The following FOSL2 variants were observed in gnomAD, a reference collection of about 807,000 sequenced individuals.
FOSL2 encodes FOS like 2, AP-1 transcription factor subunit.
FOSL2 carries 3 observed loss-of-function variants against 27.7 expected under a neutral mutation model. The observed-to-expected ratio is 0.11, with a 90% confidence interval of 0.05 to 0.28. The LOEUF (loss-of-function observed/expected upper bound fraction) is 0.28. Ranked by LOEUF, FOSL2 falls within the 10% of genes least tolerant of loss-of-function variation. The probability of loss-of-function intolerance (pLI) is 1.00; values close to 1 mark genes in which losing one functional copy is unlikely to be tolerated. For synonymous variants in FOSL2, 179 were observed against 190.1 expected (o/e 0.94, Z 0.48); for missense variants, 333 against 445.1 (o/e 0.75, Z 2.27).
rs1458012994 is a variant in FOSL2 at position 28,408,477 on chromosome 2, G to A, written c.355-282G>A. ...GTGATAGGTGCTGCCATCATGCCTG[G>A]GCCAGTGAATCTCTGACCCATTGCT... On this transcript the variant is annotated intron_variant, in intron 2 of 3. Coordinates refer to ENST00000264716, the MANE Select transcript of FOSL2 (RefSeq NM_005253.4). This position sits in a 1 kb window ranked among gnomAD's most constrained non-coding sequence, Gnocchi z 4.1. 6.6e-6 allele frequency among the ~76,000 whole-genome samples: 1 copy of A among 152,082 alleles called. No homozygotes were observed. Among genetic ancestry groups the A allele is most frequent in the East Asian group, 1.9e-4 (1 of 5,188 alleles).
chr2:28,410,336 C>T (rs532478174), intron 3 of FOSL2: 4 of 154,610 alleles, frequency 2.6e-5, no homozygotes, highest in South Asian at 2.1e-4. Flanking sequence ...CCACCCGCCC[C>T]GGAATAGCCC....
chr2:28,405,100 C>T (rs1189234062), intron 2 of FOSL2, among the ~76,000 whole-genome samples: 2 of 152,200 alleles, frequency 1.3e-5, no homozygotes, highest in South Asian at 2.1e-4. Flanking sequence ...GCAGCACCTA[C>T]CTAGTACTCA....
chr2:28,415,896 A>G lies in FOSL2; in HGVS notation c.*3448A>G, dbSNP rs1464670598. On this transcript the variant is annotated 3_prime_UTR_variant, in exon 4 of 4. Transcript: ENST00000264716. ...TGTTCTCAAGGACTTATCCCCTACA[A>G]TATTCTCCCACTCCATACTTCTCCT... is the stretch of plus-strand genomic sequence containing the variant. 1.3e-5 allele frequency: 2 copies of G among 152,142 alleles called. No homozygotes were observed. Among genetic ancestry groups the G allele is most frequent in the Non-Finnish European group, 2.9e-5 (2 of 68,036 alleles). 9.4% of individuals were successfully genotyped at this position (152,142 alleles called of 1,614,324 possible).
chr2:28,392,968 G>A lies in FOSL2; in HGVS notation c.-753G>A. ...AGGGAGAGAGAGAGAGAGAGAGAGGGAGAGGCGCGGCCGGGCGAGGCGGGC... is the reference window on the plus strand; with the variant it reads ...AGGGAGAGAGAGAGAGAGAGAGAGGAAGAGGCGCGGCCGGGCGAGGCGGGC... On this transcript the variant is annotated 5_prime_UTR_variant, in exon 1 of 4. Transcript: ENST00000264716. The A allele has an allele frequency of 1.5e-5, 10 of 676,072 alleles. No homozygotes were observed. Among genetic ancestry groups the A allele is most frequent in the Non-Finnish European group, 2.2e-5 (8 of 362,520 alleles). The allele number at this position is 676,072 out of a possible 1,614,324, so 41.9% of individuals were successfully genotyped here. A position where few individuals can be genotyped will look rare whatever the true frequency, so the allele number is the denominator to read the frequency against.
rs1272166174 is a variant in FOSL2 at position 28,414,390 on chromosome 2, G to A, written c.*1942G>A. The A allele has an allele frequency of 6.6e-6, 1 of 152,176 alleles. No individual in the cohort carries two copies. The highest frequency in any genetic ancestry group is 1.5e-5 in the Non-Finnish European group (1 of 68,030). The allele number at this position is 152,176 out of a possible 1,614,324, so 9.4% of individuals were successfully genotyped here. ...ATTTTGTTTAAAATACTTTAAAAAT[G>A]TTATTTCCTGCATCCCTTGGCTGTG... is the stretch of plus-strand genomic sequence containing the variant. On this transcript the variant is annotated 3_prime_UTR_variant, in exon 4 of 4. Transcript: ENST00000264716.
rs141199785 is a variant in FOSL2, at chr2:28,393,626, G to C, written c.-95G>C. 1 of 903,794 alleles carries C rather than the reference G, an allele frequency of 1.1e-6. No homozygotes were observed. The highest frequency in any genetic ancestry group is 1.7e-6 in the Non-Finnish European group (1 of 591,830). The allele number at this position is 903,794 out of a possible 1,614,324, so 56.0% of individuals were successfully genotyped here. On this transcript the variant is annotated 5_prime_UTR_variant, in exon 1 of 4. Coordinates refer to ENST00000264716, the MANE Select transcript of FOSL2 (RefSeq NM_005253.4). This position sits in a 1 kb window ranked among gnomAD's most constrained non-coding sequence, Gnocchi z 4.6. ...GAAGCCCAGAGCCCGCGGCGCGGCCGGCGGACGAACGAGCGCGCAGCAGCC... is the reference window on the plus strand; with the variant it reads ...GAAGCCCAGAGCCCGCGGCGCGGCCCGCGGACGAACGAGCGCGCAGCAGCC...
At chr2:28,400,307 T>C (rs1454595620) in intron 1 of FOSL2, among the ~76,000 whole-genome samples, 1 of 152,194 alleles carries the variant, frequency 6.6e-6, no homozygotes, top group Non-Finnish European at 1.5e-5. Flanking sequence ...GAACCACGAT[T>C]TATCTCCAGT....
Position 28,404,052 on chromosome 2 carries a change from A to G in FOSL2, c.103-55A>G, listed in dbSNP as rs887832531. 58 of 1,598,430 alleles carry G rather than the reference A, an allele frequency of 3.6e-5. No individual in the cohort carries two copies. In the African/African-American group the frequency reaches 6.6e-4, roughly 18 times the overall value. On this transcript the variant is annotated intron_variant, in intron 1 of 3. Transcript: ENST00000264716. The surrounding 1 kb of genome is among the most constrained non-coding windows in gnomAD (Gnocchi z 4.7). ...CAGCTCTGTTCAATTATTATTAACT[A>G]TCCTGTTCAGCTTAGTATTTATTGG... is the stretch of plus-strand genomic sequence containing the variant.
At position 28,416,623 on chromosome 2, in the gene FOSL2, A is replaced by G. The variant is rs1365383146; in HGVS notation, c.*4175A>G. On this transcript the variant is annotated 3_prime_UTR_variant, in exon 4 of 4. Coordinates refer to ENST00000264716, the MANE Select transcript of FOSL2 (RefSeq NM_005253.4). The stretch of plus-strand genomic sequence containing the variant: ...CAAGACATCTACATTGTAAGAGAAC[A>G]CAGTGGAAGATCCTGTCCTGATTCT... The G allele has an allele frequency of 6.6e-6, 1 of 152,212 alleles. No homozygotes were observed. Among genetic ancestry groups the G allele is most frequent in the Non-Finnish European group, 1.5e-5 (1 of 68,040 alleles). The allele number at this position is 152,212 out of a possible 1,614,324, so 9.4% of individuals were successfully genotyped here.
At chr2:28,411,623 AAAC>A (rs374491226) in intron 3 of FOSL2, among the ~76,000 whole-genome samples, 52 of 152,344 alleles carry the variant, frequency 3.4e-4, no homozygotes, top group African/African-American at 1.2e-3. Flanking sequence ...TGCTTCCAAA[AAAC>A]TCCTGGAAGA....
chr2:28,393,778 C>T lies in FOSL2; in HGVS notation c.58C>T (p.Pro20Ser). ...CTCGTCCCGGGGCAGCAGCGGCTCT[C>T]CTGCGCACGCCGAGTCCTACTCCAG... Reference protein sequence around the residue: ...DTSSRGSSGSPAHAESYSSGG... With the variant: ...DTSSRGSSGSSAHAESYSSGG... Residue 20 changes from proline (P) to serine (S), a missense_variant, in exon 1 of 4, where the codon CCT becomes TCT. This residue lies in a region of FOSL2 where 131 missense variants were observed against 157.9 expected (regional missense o/e 0.83). Coordinates refer to ENST00000264716, the MANE Select transcript of FOSL2 (RefSeq NM_005253.4). The surrounding 1 kb of genome is among the most constrained non-coding windows in gnomAD (Gnocchi z 4.6). 1 of 1,608,184 alleles carries T rather than the reference C, an allele frequency of 6.2e-7. No individual in the cohort carries two copies. The highest frequency in any genetic ancestry group is 1.7e-5 in the Admixed American group (1 of 59,738).
intron 1 of FOSL2, among the ~76,000 whole-genome samples, chr2:28,399,647 A>G (rs1439361731): frequency 6.6e-6 from 1 of 152,142 alleles, no homozygotes; most frequent in Admixed American, 6.5e-5. Context: ...GTTCAAGCTG[A>G]TAAGTGAGAG....
In FOSL2 at chr2:28,412,506, G is replaced by T; in HGVS notation, c.*58G>T. Reference sequence around the variant, plus strand: ...GGTCCTCCTCGCTCCTCCTTCCCAGGGACCAGCACCTTCAAGCGCTCCAGG... The same window carrying T: ...GGTCCTCCTCGCTCCTCCTTCCCAGTGACCAGCACCTTCAAGCGCTCCAGG... On this transcript the variant is annotated 3_prime_UTR_variant, in exon 4 of 4. Transcript: ENST00000264716. This position sits in a 1 kb window ranked among gnomAD's most constrained non-coding sequence, Gnocchi z 7.1. The T allele has an allele frequency of 6.4e-7, 1 of 1,559,824 alleles. No individual in the cohort carries two copies. Among genetic ancestry groups the T allele is most frequent in the Non-Finnish European group, 8.6e-7 (1 of 1,156,216 alleles).
Position 28,393,945 on chromosome 2 carries a change from A to T in FOSL2, c.102+123A>T. 1 of 723,510 alleles carries T rather than the reference A, an allele frequency of 1.4e-6. No homozygotes were observed. The highest frequency in any genetic ancestry group is 2.3e-6 in the Non-Finnish European group (1 of 442,158). The allele number at this position is 723,510 out of a possible 1,614,324, so 44.8% of individuals were successfully genotyped here. ...GAAAATACCTACGGGCCACCGTTGTAAGTTCTGGATTTTCGTCCTCCCCTT... is the reference window on the plus strand; with the variant it reads ...GAAAATACCTACGGGCCACCGTTGTTAGTTCTGGATTTTCGTCCTCCCCTT... On this transcript the variant is annotated intron_variant, in intron 1 of 3. Transcript: ENST00000264716. The surrounding 1 kb of genome is among the most constrained non-coding windows in gnomAD (Gnocchi z 4.6).
chr2:28,404,238 C>G lies in FOSL2; in HGVS notation c.234C>G (p.Arg78=). 1 of 1,614,218 alleles carries G rather than the reference C, an allele frequency of 6.2e-7. No individual in the cohort carries two copies. The highest frequency in any genetic ancestry group is 1.1e-5 in the South Asian group (1 of 91,088). Reference sequence around the variant, plus strand: ...CCTCCATGTCCAACCCATACCCTCGCTCGCACCCCTACAGCCCCCTGCCGG... The same window carrying G: ...CCTCCATGTCCAACCCATACCCTCGGTCGCACCCCTACAGCCCCCTGCCGG... ...VITSMSNPYP[R]SHPYSPLPGL... is the part of the protein sequence containing the mutation. The change falls in exon 2 of 4, where the codon CGC becomes CGG. Residue 78 remains arginine (R), a synonymous_variant. Transcript: ENST00000264716. This position sits in a 1 kb window ranked among gnomAD's most constrained non-coding sequence, Gnocchi z 4.7.
intron 3 of FOSL2, among the ~76,000 whole-genome samples, chr2:28,410,757 G>C (rs1664176791): frequency 6.6e-6 from 1 of 152,234 alleles, no homozygotes; most frequent in Admixed American, 6.5e-5. Flanking sequence ...CATCCTCACA[G>C]GCCCTCTCGG....
chr2:28,406,460 C>A (rs1480273152), intron 2 of FOSL2, among the ~76,000 whole-genome samples: 1 of 152,132 alleles, frequency 6.6e-6, no homozygotes, highest in Admixed American at 6.6e-5. Context: ...CCCTTTATAC[C>A]CATTTTACAG....
In FOSL2 at chr2:28,412,113, G is replaced by T. The variant is rs747862760; in HGVS notation, c.646G>T (p.Val216Leu). The T allele has an allele frequency of 6.2e-7, 1 of 1,606,434 alleles. No homozygotes were observed. The highest frequency in any genetic ancestry group is 1.3e-5 in the African/African-American group (1 of 75,020). ...GCCCATGCGCAGTGGGGGTGGCTCGGTGGGCGCTGTAGTGGTGAAACAGGA... is the reference window on the plus strand; with the variant it reads ...GCCCATGCGCAGTGGGGGTGGCTCGTTGGGCGCTGTAGTGGTGAAACAGGA... ...LQPMRSGGGS[V>L]GAVVVKQEPL... Residue 216 changes from valine to leucine, a missense_variant, in exon 4 of 4, where the codon GTG becomes TTG. Physicochemically the swap from Val to Leu is conservative, Grantham distance 32 (BLOSUM62 1). Transcript: ENST00000264716. This position sits in a 1 kb window ranked among gnomAD's most constrained non-coding sequence, Gnocchi z 7.1.
chr2:28,410,807 C>A (rs769643072), intron 3 of FOSL2, among the ~76,000 whole-genome samples: 3 of 152,150 alleles, frequency 2.0e-5, no homozygotes. Flanking sequence ...GTGGCTGAAC[C>A]AAATGTTCTC....
Sources: allele counts gnomAD v4.1 joint callset (sites outside exome capture counted in the v4.1 genomes callset), GRCh38; gene constraint gnomAD v4.1.1; regional missense constraint gnomAD v4.1.1; non-coding constraint Gnocchi (gnomAD v3.1); transcripts MANE v1.5; gene names NCBI Gene and HGNC (gene_info 2026-07-23, HGNC 2026-07-21).